CYTH4: variants seen among roughly 807,000 people sequenced by gnomAD.
CYTH4 encodes the protein cytohesin 4.
CYTH4 carries 22 observed loss-of-function variants against 57.5 expected under a neutral mutation model. The observed-to-expected ratio is 0.38, with a 90% CI of 0.27 to 0.55. The LOEUF (loss-of-function observed/expected upper bound fraction) is 0.55, where lower values mean the gene tolerates loss of function less well. CYTH4 is among the 20% of genes least tolerant of loss of function. The pLI is 0.74. For synonymous variants in CYTH4, 186 were observed against 206.5 expected, an observed-to-expected ratio of 0.90 and a Z score of 0.85; for missense variants, 420 against 535.6, an observed-to-expected ratio of 0.78 and a Z score of 2.13.
In CYTH4 at chr22:37,295,877, G is replaced by T. The variant is rs183662549; in HGVS notation, c.168-122G>T. 22 of 1,009,572 alleles carry T rather than the reference G, an allele frequency of 2.2e-5. No individual in the cohort carries two copies. The South Asian group carries it at 2.9e-4, about 13-fold the overall frequency. The allele number at this position is 1,009,572 out of a possible 1,614,324, so 62.5% of individuals were successfully genotyped here. ...CCCAGGTGGTTCCCATGCAGGACCC[G>T]GAGGCCACACTTGGAGGGCCCTAGA... On this transcript the variant is annotated intron_variant, in intron 3 of 12. Transcript: ENST00000248901. The surrounding 1 kb of genome is among the most constrained non-coding windows in gnomAD (Gnocchi z 4.1).
At chr22:37,292,183 T>C (rs1388053193) in intron 1 of CYTH4, 1 of 160,156 alleles carries the variant, frequency 6.2e-6, no homozygotes, top group Non-Finnish European at 1.4e-5. Context: ...AGTGAATAAA[T>C]AATGAGCCCA....
At position 37,311,986 on chromosome 22, in the gene CYTH4, C is replaced by G. The variant is rs1929659220; in HGVS notation, c.958-34C>G. 6.2e-7 allele frequency: 1 copy of G among 1,601,264 alleles called. No individual in the cohort carries two copies. The highest frequency in any genetic ancestry group is 8.5e-7 in the Non-Finnish European group (1 of 1,171,066). On this transcript the variant is annotated intron_variant, in intron 11 of 12. Transcript: ENST00000248901. This position sits in a 1 kb window ranked among gnomAD's most constrained non-coding sequence, Gnocchi z 4.4. ...CCTGGAGGGCCCACCCAGCCTCCCTCTCTTCCCACCCTTGCCTGGCCACCT... is the reference window on the plus strand; with the variant it reads ...CCTGGAGGGCCCACCCAGCCTCCCTGTCTTCCCACCCTTGCCTGGCCACCT...
At chr22:37,290,439 G>A (rs890783434) in intron 1 of CYTH4, among the ~76,000 whole-genome samples, 10 of 152,144 alleles carry the variant, frequency 6.6e-5, no homozygotes, top group East Asian at 1.9e-4. Flanking sequence ...CAGTCCCGAC[G>A]TTCTGTATCT....
chr22:37,289,275 C>T (rs1312701649), intron 1 of CYTH4, among the ~76,000 whole-genome samples: 5 of 152,236 alleles, frequency 3.3e-5, no homozygotes, highest in South Asian at 4.1e-4. Context: ...TCAAGCCATT[C>T]ACCACTGCCC....
rs200047813 is a variant in CYTH4, at chr22:37,313,398, G to A, written c.1113-41G>A. The A allele has an allele frequency of 9.8e-5, 156 of 1,598,772 alleles. 1 individual carries two copies. In the African/African-American group the frequency reaches 1.4e-3, roughly 15 times the overall value. ...CCCTGGGAGAGCAGACCACCTTGAC[G>A]GCCAGTCCAGCCCTGAAATCTCTCC... is the stretch of plus-strand genomic sequence containing the variant. On this transcript the variant is annotated intron_variant, in intron 12 of 12. Transcript: ENST00000248901.
At chr22:37,299,450 T>C (rs984561148) in intron 6 of CYTH4, 144 bp downstream of exon 6, 36 of 772,936 alleles carry the variant, frequency 4.7e-5, no homozygotes, top group Middle Eastern at 3.1e-4. Context: ...GACTTCATGA[T>C]AGTACTGCCT....
Position 37,311,589 on chromosome 22 carries a change from G to T in CYTH4, c.957+62G>T, listed in dbSNP as rs146276237. 10 of 1,527,800 alleles carry T rather than the reference G, an allele frequency of 6.5e-6. No homozygotes were observed. Among genetic ancestry groups the T allele is most frequent in the South Asian group, 1.1e-5 (1 of 89,264 alleles). 94.6% of individuals were successfully genotyped at this position (1,527,800 alleles called of 1,614,324 possible). On this transcript the variant is annotated intron_variant, in intron 11 of 12. Transcript: ENST00000248901. This position sits in a 1 kb window ranked among gnomAD's most constrained non-coding sequence, Gnocchi z 4.4. ...CACTGGGAAATTTCCTAAACAGAAC[G>T]TGGGGAGAGGGCCTGAGGCTGGGCT...
chr22:37,290,163 C>A (rs761437331), intron 1 of CYTH4, among the ~76,000 whole-genome samples: 2 of 152,146 alleles, frequency 1.3e-5, no homozygotes, highest in Non-Finnish European at 2.9e-5. Context: ...CCCTAGTGAG[C>A]TGGACCTGGA....
At chr22:37,306,363 A>G (rs1281408999) in intron 8 of CYTH4, among the ~76,000 whole-genome samples, 1 of 152,218 alleles carries the variant, frequency 6.6e-6, no homozygotes, top group Non-Finnish European at 1.5e-5. Context: ...CTCGGTCAGA[A>G]TGGACTGTGG....
chr22:37,312,227 T>G, intron 12 of CYTH4, 53 bp downstream of exon 12: 1 of 1,597,242 alleles, frequency 6.3e-7, no homozygotes, highest in East Asian at 2.3e-5. Context: ...CAGAAGGCCC[T>G]GCTTCTTTTG....
Position 37,314,277 on chromosome 22 carries a change from C to T in CYTH4, c.*766C>T, listed in dbSNP as rs967512386. 2 of 398,520 alleles carry T rather than the reference C, an allele frequency of 5.0e-6. No homozygotes were observed. The highest frequency in any genetic ancestry group is 4.1e-5 in the African/African-American group (2 of 48,626). The allele number at this position is 398,520 out of a possible 1,614,324, so 24.7% of individuals were successfully genotyped here. On this transcript the variant is annotated 3_prime_UTR_variant, in exon 13 of 13. Coordinates refer to ENST00000248901, the MANE Select transcript of CYTH4 (RefSeq NM_013385.5). Reference sequence around the variant, plus strand: ...TTGTTTGCGGAGCCCAGGCTGACTCCGGATTCAACGTTGCTGGGGAGAGAA... The same window carrying T: ...TTGTTTGCGGAGCCCAGGCTGACTCTGGATTCAACGTTGCTGGGGAGAGAA...
chr22:37,297,832 T>C, intron 5 of CYTH4, 150 bp downstream of exon 5: 1 of 640,896 alleles, frequency 1.6e-6, no homozygotes, highest in Non-Finnish European at 2.8e-6. Context: ...CTCCAGATTC[T>C]GAGTCAAAGC....
At position 37,301,032 on chromosome 22, in the gene CYTH4, G is replaced by T. The variant is rs1483191081; in HGVS notation, c.547+13G>T. ...TTCCAGTCCACAGGTGCCAGGAGGG[G>T]AGTGGGACCCAGGGCTCCGGGACCC... is the stretch of plus-strand genomic sequence containing the variant. On this transcript the variant is annotated intron_variant, in intron 7 of 12. Transcript: ENST00000248901. 1 of 1,610,260 alleles carries T rather than the reference G, an allele frequency of 6.2e-7. No homozygotes were observed. The highest frequency in any genetic ancestry group is 8.5e-7 in the Non-Finnish European group (1 of 1,176,972).
At position 37,309,263 on chromosome 22, in the gene CYTH4, G is replaced by A. The variant is rs1354513701; in HGVS notation, c.748G>A (p.Gly250Ser). The A allele has an allele frequency of 1.2e-5, 19 of 1,613,986 alleles. No individual in the cohort carries two copies. The highest frequency in any genetic ancestry group is 1.1e-4 in the East Asian group (5 of 44,888). ...SEPFSIPEDD[G>S]NDLTHTFFNP... is the part of the protein sequence containing the mutation. ...GCCATTCTCCATCCCTGAGGACGAC[G>A]GCAATGACCTCACTCACACCTTCTT... Residue 250 changes from glycine to serine, a missense_variant, in exon 9 of 13, where the codon GGC becomes AGC. Transcript: ENST00000248901.
At position 37,299,349 on chromosome 22, in the gene CYTH4, C is replaced by T. The variant is rs370525613; in HGVS notation, c.434+43C>T. 788 of 1,560,682 alleles carry T rather than the reference C, an allele frequency of 5.0e-4. 5 individuals carry two copies. Among genetic ancestry groups the T allele is most frequent in the South Asian group, 3.1e-3 (280 of 89,454 alleles). On this transcript the variant is annotated intron_variant, in intron 6 of 12. Coordinates refer to ENST00000248901, the MANE Select transcript of CYTH4 (RefSeq NM_013385.5). The stretch of plus-strand genomic sequence containing the variant: ...AGGGTCCCGGCCCTCAAGGGTGGCA[C>T]AGCCCCAGTGGCTGGGGGTGTCGCG...
intron 8 of CYTH4, chr22:37,304,302 A>T (rs1467671802): frequency 2.2e-6 from 1 of 456,470 alleles, no homozygotes; most frequent in East Asian, 6.9e-5. Flanking sequence ...GTATATATGC[A>T]CAGTAGTGGG....
Position 37,313,752 on chromosome 22 carries a change from C to G in CYTH4, c.*241C>G. The stretch of plus-strand genomic sequence containing the variant: ...TGGGCACCCAGCTGCAGGCCCCTGC[C>G]CTACGTGCACTACAGGAAGGGGTGA... On this transcript the variant is annotated 3_prime_UTR_variant, in exon 13 of 13. Transcript: ENST00000248901. The G allele has an allele frequency of 1.8e-6, 1 of 555,046 alleles. No homozygotes were observed. The highest frequency in any genetic ancestry group is 3.2e-6 in the Non-Finnish European group (1 of 309,592). 34.4% of individuals were successfully genotyped at this position (555,046 alleles called of 1,614,324 possible).
chr22:37,313,137 C>T (rs755603887), intron 12 of CYTH4, among the ~76,000 whole-genome samples: 2 of 152,266 alleles, frequency 1.3e-5, no homozygotes, highest in Non-Finnish European at 2.9e-5. Flanking sequence ...CCATCACCTT[C>T]CGAAGGTCGC....
rs3203728 is a variant in CYTH4, at chr22:37,314,136, G to A, written c.*625G>A. On this transcript the variant is annotated 3_prime_UTR_variant, in exon 13 of 13. Coordinates refer to ENST00000248901, the MANE Select transcript of CYTH4 (RefSeq NM_013385.5). ...CAGCTCTGCCTCTGACTCGCTGTGT[G>A]CCCTCTGCCAAGTCATGCCCATTCT... is the stretch of plus-strand genomic sequence containing the variant. 147,449 of 378,102 alleles carry A rather than the reference G, an allele frequency of 0.39. 29,647 individuals carry two copies. Among genetic ancestry groups the A allele is most frequent in the South Asian group, 0.66 (4,510 of 6,858 alleles). The allele number at this position is 378,102 out of a possible 1,614,324, so 23.4% of individuals were successfully genotyped here.
Sources: gnomAD v4.1 joint callset for allele counts (sites outside exome capture counted in the v4.1 genomes callset) on GRCh38, gnomAD v4.1.1 for gene constraint, Gnocchi (gnomAD v3.1) non-coding constraint, MANE v1.5 for transcripts, NCBI Gene and HGNC (gene_info 2026-07-23, HGNC 2026-07-21) for gene names.